MCM5: variants seen among roughly 807,000 people sequenced by gnomAD.
MCM5 encodes minichromosome maintenance complex component 5.
A neutral mutation model predicts 79.9 loss-of-function variants in MCM5; 46 were observed. The ratio of observed to expected loss-of-function variants is 0.58; its 90% CI spans 0.45 to 0.74. The LOEUF is 0.74. Among genes scored for constraint, MCM5 ranks in the 30% least tolerant of loss-of-function variants. The pLI is 0.00. For synonymous variants in MCM5, 404 were observed against 390.5 expected (o/e 1.03, Z -0.41); for missense variants, 883 against 1,017.0 (o/e 0.87, Z 1.79).
chr22:35,425,829 C>T (rs1431714081), downstream of MCM5, among the ~76,000 whole-genome samples: 1 of 152,016 alleles, frequency 6.6e-6, no homozygotes, highest in African/African-American at 2.4e-5. Flanking sequence ...GTGGCCTTTT[C>T]TCCACCCCTG....
chr22:35,404,350 C>T (rs558969585), intron 4 of MCM5, among the ~76,000 whole-genome samples: 9 of 152,284 alleles, frequency 5.9e-5, no homozygotes, highest in African/African-American at 1.2e-4. Context: ...GGACAGCTTC[C>T]TTTACTCTGG....
At chr22:35,430,470 G>C in the MCM5 span, among the ~76,000 whole-genome samples, 1 of 151,412 alleles carries the variant, frequency 6.6e-6, no homozygotes, top group African/African-American at 2.4e-5. Flanking sequence ...GCTGTGTTTT[G>C]GGCCTGGAGC....
At chr22:35,437,685 C>T in the MCM5 span, among the ~76,000 whole-genome samples, 6 of 152,148 alleles carry the variant, frequency 3.9e-5, no homozygotes, top group African/African-American at 1.4e-4. Flanking sequence ...AAGGGCCATA[C>T]CTAGCCATGA....
At chr22:35,426,198 A>G (rs991071556), downstream of MCM5, among the ~76,000 whole-genome samples, 19 of 152,180 alleles carry the variant, frequency 1.2e-4, no homozygotes, top group Non-Finnish European at 2.1e-4. Flanking sequence ...TAGGAGGAGC[A>G]GCTGTGCTCA....
chr22:35,410,398 C>T (rs919051283), intron 6 of MCM5: 2 of 328,174 alleles, frequency 6.1e-6, no homozygotes, highest in Non-Finnish European at 1.2e-5. Flanking sequence ...TGACAGCAGA[C>T]ACGTGGAGAT....
At chr22:35,412,772 T>A in intron 8 of MCM5, 91 bp downstream of exon 8, 2 of 1,119,764 alleles carry the variant, frequency 1.8e-6, no homozygotes, top group Non-Finnish European at 2.3e-6. Flanking sequence ...CTGGGCACTC[T>A]TTTTTGTATT....
chr22:35,401,195 C>T (rs544817983), intron 2 of MCM5, among the ~76,000 whole-genome samples: 2 of 152,350 alleles, frequency 1.3e-5, no homozygotes, highest in South Asian at 4.1e-4. Flanking sequence ...CAGCAACCAG[C>T]TAGCGCCACT....
intron 2 of MCM5, 38 bp from the exon 3 acceptor site, chr22:35,403,169 C>T (rs1382730170): frequency 2.5e-6 from 4 of 1,609,096 alleles, no homozygotes; most frequent in Admixed American, 3.3e-5. Context: ...CTCTTCTTTG[C>T]ACCCTTCCTG....
the MCM5 span, among the ~76,000 whole-genome samples, chr22:35,449,932 C>T: frequency 2.0e-3 from 303 of 152,168 alleles, 2 homozygotes; most frequent in Non-Finnish European, 3.8e-3. Flanking sequence ...CAGGTGTGCA[C>T]CACCATGCCC....
intron 7 of MCM5, among the ~76,000 whole-genome samples, chr22:35,411,880 A>C (rs950773780): frequency 6.6e-6 from 1 of 152,178 alleles, no homozygotes; most frequent in Admixed American, 6.5e-5. Flanking sequence ...TACATGGCTG[A>C]AGCTAAGCTC....
At chr22:35,420,416 G>A (rs1268344767) in intron 14 of MCM5, among the ~76,000 whole-genome samples, 1 of 152,244 alleles carries the variant, frequency 6.6e-6, no homozygotes, top group African/African-American at 2.4e-5. Flanking sequence ...TGACTTTGTA[G>A]ACAATACAGT....
rs148797796 is a variant in MCM5 at position 35,422,451 on chromosome 22, A to G, written c.1976-763A>G. 3.9e-3 allele frequency: 596 copies of G among 152,270 alleles called. 6 individuals carry two copies. The highest frequency in any genetic ancestry group is 0.013 in the African/African-American group (555 of 41,496). The allele number at this position is 152,270 out of a possible 1,614,324, so 9.4% of individuals were successfully genotyped here. ...GAGGGAGCAGGTTTGGTGCATTTGA[A>G]TGGGGAGGCACTTGGGTGAGGAATG... On this transcript the variant is annotated intron_variant, in intron 15 of 16. Coordinates refer to ENST00000216122, the MANE Select transcript of MCM5 (RefSeq NM_006739.4).
Position 35,425,187 on chromosome 22 carries a change from C to T in MCM5, c.*932C>T, listed in dbSNP as rs1932767386. On this transcript the variant is annotated 3_prime_UTR_variant, in exon 17 of 17. Transcript: ENST00000216122. ...GTCACTTTGCCTAATTTCAGAAAGT[C>T]ACTCTGAGTTGGTATGTTTTGTGTT... 6.6e-6 allele frequency: 1 copy of T among 152,106 alleles called. No individual in the cohort carries two copies. The highest frequency in any genetic ancestry group is 1.5e-5 in the Non-Finnish European group (1 of 68,004). 9.4% of individuals were successfully genotyped at this position (152,106 alleles called of 1,614,324 possible). A position where few individuals can be genotyped will look rare whatever the true frequency, so the allele number is the denominator to read the frequency against.
chr22:35,428,970 C>CTT (rs35549972), downstream of MCM5, among the ~76,000 whole-genome samples: 6,334 of 65,692 alleles, frequency 0.096, 978 homozygotes, highest in African/African-American at 0.25. Flanking sequence ...TTTCTTTGAC[C>CTT]TTTTTTTTTT....
intron 15 of MCM5, chr22:35,422,132 G>T (rs1601763853): frequency 6.3e-6 from 1 of 157,714 alleles, no homozygotes; most frequent in African/African-American, 2.4e-5. Context: ...GAGTATAAGA[G>T]CAATCAATCA....
chr22:35,416,088 G>A (rs1486041038), intron 10 of MCM5, 116 bp downstream of exon 10: 2 of 1,332,156 alleles, frequency 1.5e-6, no homozygotes, highest in East Asian at 4.6e-5. Context: ...TCAATCCCTG[G>A]GCCGGTCACT....
Position 35,412,591 on chromosome 22 carries a change from T to A in MCM5, c.1001T>A (p.Val334Asp), listed in dbSNP as rs1197437397. Residue 334 changes from valine (V) to aspartate (D), a missense_variant, in exon 8 of 17, where the codon GTC becomes GAC. By Grantham distance (152) the Val-to-Asp change is radical. This residue lies in a region of MCM5 where 455 missense variants were observed against 517.5 expected (regional missense o/e 0.88). Transcript: ENST00000216122. ...RLAALPNVYE[V>D]ISKSIAPSIF... ...GCTGCCCTCCCAAATGTCTATGAGG[T>A]CATCTCCAAGAGCATCGCCCCCTCC... The A allele has an allele frequency of 6.3e-7, 1 of 1,586,122 alleles. No individual in the cohort carries two copies. Among genetic ancestry groups the A allele is most frequent in the South Asian group, 1.1e-5 (1 of 87,540 alleles).
At chr22:35,402,942 G>A (rs4645747) in intron 2 of MCM5, among the ~76,000 whole-genome samples, 3,313 of 152,306 alleles carry the variant, frequency 0.022, 49 homozygotes, top group Middle Eastern at 0.044. Flanking sequence ...GTGCACGCTG[G>A]CCTGGGTGTT....
intron 11 of MCM5, 27 bp from the exon 12 acceptor site, chr22:35,416,611 C>T: frequency 6.2e-7 from 1 of 1,603,346 alleles, no homozygotes; most frequent in Non-Finnish European, 8.5e-7. Flanking sequence ...CATCTCCTCC[C>T]CCTTTTCGTC....
Sources: gnomAD v4.1 joint callset for allele counts (sites outside exome capture counted in the v4.1 genomes callset) on GRCh38, gnomAD v4.1.1 for gene constraint, gnomAD v4.1.1 regional missense constraint, MANE v1.5 for transcripts, NCBI Gene and HGNC (gene_info 2026-07-23, HGNC 2026-07-21) for gene names.